Variants in HIKESHI observed in about 807,000 individuals in gnomAD.
HIKESHI encodes heat shock protein nuclear import factor hikeshi.
In HIKESHI, 13 loss-of-function variants were observed where a neutral mutation model predicts 25.7. The ratio of observed to expected loss-of-function variants is 0.51; its 90% CI spans 0.33 to 0.80. HIKESHI has a LOEUF of 0.80. Among genes scored for constraint, HIKESHI ranks in the 30% least tolerant of loss-of-function variants. The probability of loss-of-function intolerance (pLI) is 0.02; values close to 1 mark genes in which losing one functional copy is unlikely to be tolerated. For missense variants in HIKESHI, 174 were observed against 229.5 expected (o/e 0.76, Z 1.56); for synonymous variants, 76 against 78.7 (o/e 0.97, Z 0.18).
chr11:86,326,626 A>G, intron 2 of HIKESHI: 1 of 451,460 alleles, frequency 2.2e-6, no homozygotes, highest in Non-Finnish European at 4.4e-6. Context: ...GCTGAGATAA[A>G]TGAGAATCTC....
intron 2 of HIKESHI, among the ~76,000 whole-genome samples, chr11:86,321,234 GT>G (rs1804318225): frequency 1.3e-5 from 2 of 151,782 alleles, no homozygotes; most frequent in Non-Finnish European, 2.9e-5. Flanking sequence ...TGCCTGGCCC[GT>G]TTTTTTCACT....
chr11:86,319,007 C>T (rs1244595225), intron 2 of HIKESHI, among the ~76,000 whole-genome samples: 1 of 151,978 alleles, frequency 6.6e-6, no homozygotes, highest in African/African-American at 2.4e-5. Context: ...GCTTCAAACT[C>T]CTGGGCTCAA....
intron 2 of HIKESHI, among the ~76,000 whole-genome samples, chr11:86,334,298 C>A (rs1418703744): frequency 6.8e-6 from 1 of 148,026 alleles, no homozygotes; most frequent in Non-Finnish European, 1.5e-5. Flanking sequence ...ATGCAAATAA[C>A]AAATGATGGT....
chr11:86,311,669 T>A (rs1314462785), intron 2 of HIKESHI, among the ~76,000 whole-genome samples: 2 of 152,238 alleles, frequency 1.3e-5, no homozygotes, highest in African/African-American at 4.8e-5. Flanking sequence ...CAATTGTAGA[T>A]CTTTCCTGCT....
At chr11:86,329,980 G>A (rs1256631746) in intron 2 of HIKESHI, among the ~76,000 whole-genome samples, 1 of 151,804 alleles carries the variant, frequency 6.6e-6, no homozygotes, top group Non-Finnish European at 1.5e-5. Context: ...TAAGTAGGGT[G>A]TTTAGTCCAT....
chr11:86,314,079 C>G (rs1392344482), intron 2 of HIKESHI, among the ~76,000 whole-genome samples: 1 of 152,254 alleles, frequency 6.6e-6, no homozygotes, highest in Non-Finnish European at 1.5e-5. Context: ...TAGTATTCTA[C>G]AAAGTATGTG....
intron 2 of HIKESHI, among the ~76,000 whole-genome samples, chr11:86,308,204 A>G (rs1946721505): frequency 7.8e-6 from 1 of 128,506 alleles, no homozygotes; most frequent in Admixed American, 8.5e-5. Context: ...TATATATTAT[A>G]TATAAAATAT....
At chr11:86,325,584 G>T (rs555639612) in intron 2 of HIKESHI, among the ~76,000 whole-genome samples, 5 of 151,950 alleles carry the variant, frequency 3.3e-5, no homozygotes, top group African/African-American at 1.2e-4. Flanking sequence ...CAAAAAAGTG[G>T]CACATGTGGC....
chr11:86,337,361 T>C lies in HIKESHI; in HGVS notation c.269-18T>C, dbSNP rs1947593235. ...CAAGTTTAATTTGAAATGTGTGTCATATGTTAATTTCTTGCAGGAGAAGGA... is the reference window on the plus strand; with the variant it reads ...CAAGTTTAATTTGAAATGTGTGTCACATGTTAATTTCTTGCAGGAGAAGGA... On this transcript the variant is annotated intron_variant, in intron 2 of 4. Coordinates refer to ENST00000278483, the MANE Select transcript of HIKESHI (RefSeq NM_016401.4). 1 of 1,608,074 alleles carries C rather than the reference T, an allele frequency of 6.2e-7. No homozygotes were observed. Among genetic ancestry groups the C allele is most frequent in the Non-Finnish European group, 8.5e-7 (1 of 1,177,510 alleles).
chr11:86,337,704 C>T (rs1947608014), intron 3 of HIKESHI, among the ~76,000 whole-genome samples, 174 bp downstream of exon 3: 1 of 152,214 alleles, frequency 6.6e-6, no homozygotes. Flanking sequence ...GTTGCCCAGG[C>T]TGGAGTGCAG....
intron 1 of HIKESHI, among the ~76,000 whole-genome samples, 200 bp downstream of exon 1, chr11:86,302,678 G>A (rs922519731): frequency 2.6e-5 from 4 of 152,256 alleles, no homozygotes; most frequent in African/African-American, 9.6e-5. Context: ...AGTAGTCACA[G>A]TATAAGTTGG....
At chr11:86,308,796 A>G in intron 2 of HIKESHI, among the ~76,000 whole-genome samples, 1 of 151,438 alleles carries the variant, frequency 6.6e-6, no homozygotes, top group African/African-American at 2.4e-5. Context: ...TTCAATTCCC[A>G]CCTATGAGTG....
intron 2 of HIKESHI, among the ~76,000 whole-genome samples, chr11:86,327,222 G>A (rs1236666775): frequency 6.6e-6 from 1 of 152,126 alleles, no homozygotes; most frequent in Non-Finnish European, 1.5e-5. Flanking sequence ...TATCTGCTAT[G>A]TGTAATGCAG....
At chr11:86,338,975 G>C (rs1947644837) in intron 3 of HIKESHI, among the ~76,000 whole-genome samples, 1 of 152,162 alleles carries the variant, frequency 6.6e-6, no homozygotes, top group Non-Finnish European at 1.5e-5. Flanking sequence ...TAAATACAGA[G>C]AAAATAGAGT....
chr11:86,340,624 G>C (rs1248448077), intron 3 of HIKESHI, among the ~76,000 whole-genome samples: 1 of 151,932 alleles, frequency 6.6e-6, no homozygotes, highest in Non-Finnish European at 1.5e-5. Context: ...ATTTGTTTAA[G>C]TTCTTTGTAG....
chr11:86,331,269 C>T (rs2138384489), intron 2 of HIKESHI, among the ~76,000 whole-genome samples: 1 of 152,236 alleles, frequency 6.6e-6, no homozygotes, highest in East Asian at 1.9e-4. Flanking sequence ...GCGGGCGCAT[C>T]TTTGAGAACA....
chr11:86,302,474 G>A lies in HIKESHI; in HGVS notation c.26G>A (p.Arg9Lys). MFGCLVAG[R>K]LVQTAAQQVA... ...ATGTTTGGCTGCTTGGTGGCGGGGA[G>A]GCTGGTGAGGATGGGACCGGGTGAT... Residue 9 changes from arginine to lysine, a missense_variant, in exon 1 of 5, where the codon AGG becomes AAG. Physicochemically the swap from Arg to Lys is conservative, Grantham distance 26 (BLOSUM62 2). Coordinates refer to ENST00000278483, the MANE Select transcript of HIKESHI (RefSeq NM_016401.4). 6.4e-7 allele frequency: 1 copy of A among 1,558,166 alleles called. No individual in the cohort carries two copies. Among genetic ancestry groups the A allele is most frequent in the Non-Finnish European group, 8.7e-7 (1 of 1,150,868 alleles).
intron 2 of HIKESHI, among the ~76,000 whole-genome samples, chr11:86,325,678 C>T (rs1344632173): frequency 6.6e-6 from 1 of 151,606 alleles, no homozygotes. Flanking sequence ...TCGAGACCAG[C>T]CTGGCCAATA....
intron 2 of HIKESHI, among the ~76,000 whole-genome samples, chr11:86,319,219 T>A (rs961000771): frequency 2.0e-3 from 197 of 99,482 alleles, no homozygotes; most frequent in Middle Eastern, 4.8e-3. Flanking sequence ...GGCTTAAAAA[T>A]ATATATATAT....
Sources: allele counts gnomAD v4.1 joint callset (sites outside exome capture counted in the v4.1 genomes callset), GRCh38; gene constraint gnomAD v4.1.1; transcripts MANE v1.5; gene names NCBI Gene and HGNC (gene_info 2026-07-23, HGNC 2026-07-21).